Variants in LRRC37A2 observed in about 807,000 individuals in gnomAD.
LRRC37A2 encodes leucine rich repeat containing 37 member A2.
LRRC37A2 carries 9 observed loss-of-function variants against 68.8 expected under a neutral mutation model. The observed-to-expected ratio is 0.13, with a 90% CI of 0.08 to 0.23. The LOEUF (loss-of-function observed/expected upper bound fraction) is 0.23. LRRC37A2 is among the 10% of genes least tolerant of loss of function. The probability of loss-of-function intolerance (pLI) is 1.00; values close to 1 mark genes in which losing one functional copy is unlikely to be tolerated. For missense variants in LRRC37A2, 168 were observed against 950.4 expected, an observed-to-expected ratio of 0.18 and a Z score of 10.82; for synonymous variants, 63 against 367.6, an observed-to-expected ratio of 0.17 and a Z score of 9.48.
the LRRC37A2 span, chr17:46,942,082 T>A: frequency 2.7e-6 from 1 of 364,466 alleles, no homozygotes; most frequent in Non-Finnish European, 3.8e-6. Context: ...TACAAAGAAG[T>A]GAGGCACAAG....
the LRRC37A2 span, among the ~76,000 whole-genome samples, chr17:46,610,044 T>TC: frequency 0.016 from 1,187 of 72,982 alleles, 108 homozygotes; most frequent in Middle Eastern, 0.05. Flanking sequence ...TCTCTCTCTC[T>TC]TTCTTTCTTT....
At chr17:46,849,849 C>CTTTTTTTTTTTTTTTTTTTTTTTTT in the LRRC37A2 span, among the ~76,000 whole-genome samples, 1 of 145,750 alleles carries the variant, frequency 6.9e-6, no homozygotes, top group Admixed American at 6.8e-5. Flanking sequence ...CATTTAATAT[C>CTTTTTTTTTTTTTTTTTTTTTTTTT]TTTTTTTTTT....
the LRRC37A2 span, among the ~76,000 whole-genome samples, chr17:46,613,143 T>A: frequency 5.9e-4 from 24 of 40,904 alleles, no homozygotes; most frequent in African/African-American, 1.7e-3. Flanking sequence ...CTGGGTATGG[T>A]GGTGTGTGCC....
At chr17:47,003,839 TA>T in the LRRC37A2 span, among the ~76,000 whole-genome samples, 3 of 152,182 alleles carry the variant, frequency 2.0e-5, no homozygotes, top group African/African-American at 7.2e-5. Context: ...TCATTTACAT[TA>T]GGTATACTGC....
the LRRC37A2 span, among the ~76,000 whole-genome samples, chr17:46,979,800 C>CT: frequency 0.84 from 127,230 of 151,754 alleles, 53,904 homozygotes; most frequent in South Asian, 0.92. Flanking sequence ...TTTTTTCTTT[C>CT]TTTTTTACAC....
At chr17:46,839,506 ACAGG>A in the LRRC37A2 span, among the ~76,000 whole-genome samples, 1 of 152,230 alleles carries the variant, frequency 6.6e-6, no homozygotes, top group African/African-American at 2.4e-5. Context: ...ACTGCCATGC[ACAGG>A]CTGTAAATTC....
the LRRC37A2 span, among the ~76,000 whole-genome samples, chr17:46,890,998 C>A: frequency 2.0e-5 from 3 of 152,038 alleles, no homozygotes; most frequent in African/African-American, 7.2e-5. Flanking sequence ...TGAGGCACAG[C>A]GAAATGAAAA....
chr17:46,977,162 A>T, the LRRC37A2 span, among the ~76,000 whole-genome samples: 1 of 152,144 alleles, frequency 6.6e-6, no homozygotes, highest in Non-Finnish European at 1.5e-5. Flanking sequence ...CACCTGTGCC[A>T]AGCCTCTCCC....
At chr17:46,745,399 G>T in the LRRC37A2 span, among the ~76,000 whole-genome samples, 1 of 152,162 alleles carries the variant, frequency 6.6e-6, no homozygotes, top group African/African-American at 2.4e-5. Context: ...TGACCTCTTT[G>T]CAGTTTTTGG....
At chr17:46,822,825 C>T in the LRRC37A2 span, among the ~76,000 whole-genome samples, 3 of 151,912 alleles carry the variant, frequency 2.0e-5, no homozygotes, top group African/African-American at 7.3e-5. Context: ...CTGCGGATGC[C>T]TCCCTCTTCC....
At chr17:46,609,182 C>A in the LRRC37A2 span, among the ~76,000 whole-genome samples, 1 of 147,870 alleles carries the variant, frequency 6.8e-6, no homozygotes, top group Non-Finnish European at 1.5e-5. Context: ...CTTGACCTAA[C>A]TGTTGGTTAC....
the LRRC37A2 span, among the ~76,000 whole-genome samples, chr17:46,980,666 C>CAA: frequency 0.052 from 4,381 of 83,866 alleles, 341 homozygotes; most frequent in South Asian, 0.13. Context: ...ACTAAAAATA[C>CAA]AAAAAAAAAA....
chr17:46,709,449 T>G, the LRRC37A2 span, among the ~76,000 whole-genome samples: 1 of 152,044 alleles, frequency 6.6e-6, no homozygotes, highest in African/African-American at 2.4e-5. Context: ...CTGTGAGGCT[T>G]GGAGTATATA....
At chr17:46,992,239 A>T in the LRRC37A2 span, among the ~76,000 whole-genome samples, 1 of 75,288 alleles carries the variant, frequency 1.3e-5, no homozygotes, top group African/African-American at 4.1e-5. Flanking sequence ...GTAGTGGTAC[A>T]CACCTGTAAT....
chr17:46,921,520 G>T, the LRRC37A2 span, among the ~76,000 whole-genome samples: 2 of 152,142 alleles, frequency 1.3e-5, no homozygotes, highest in African/African-American at 4.8e-5. Flanking sequence ...CACAGCAAAA[G>T]AAACTACCAT....
the LRRC37A2 span, chr17:46,932,271 C>A: frequency 6.4e-7 from 1 of 1,574,332 alleles, no homozygotes; most frequent in Non-Finnish European, 8.7e-7. Context: ...GATCTCTGAG[C>A]GCCATCTGTT....
the LRRC37A2 span, among the ~76,000 whole-genome samples, chr17:46,657,448 T>C: frequency 6.6e-6 from 1 of 151,936 alleles, no homozygotes; most frequent in African/African-American, 2.4e-5. Flanking sequence ...CTGTGACTTT[T>C]GGGTCTTAGT....
the LRRC37A2 span, chr17:46,763,499 T>G: frequency 1.1e-4 from 17 of 152,206 alleles, no homozygotes; most frequent in African/African-American, 3.9e-4. Context: ...TTTACTCACA[T>G]TGGCCCCAGA....
chr17:47,007,816 C>T, the LRRC37A2 span: 3 of 152,048 alleles, frequency 2.0e-5, no homozygotes, highest in African/African-American at 7.2e-5. Context: ...AATAATAAAG[C>T]GAGATATTTT....
Sources: gnomAD v4.1 joint callset for allele counts (sites outside exome capture counted in the v4.1 genomes callset) on GRCh38, gnomAD v4.1.1 for gene constraint, MANE v1.5 for transcripts, NCBI Gene and HGNC (gene_info 2026-07-23, HGNC 2026-07-21) for gene names.